The following SESTD1 variants were observed in gnomAD, a reference collection of about 807,000 sequenced individuals.
SESTD1 encodes the protein SEC14 and spectrin domain containing 1.
In SESTD1, 43 loss-of-function variants were observed where a neutral mutation model predicts 101.7. That is an observed-to-expected ratio of 0.42 (90% CI 0.33 to 0.55). SESTD1 has a LOEUF of 0.55. Among genes scored for constraint, SESTD1 ranks in the 20% least tolerant of loss-of-function variants. The pLI is 0.07. For missense variants in SESTD1, 647 were observed against 815.1 expected, an observed-to-expected ratio of 0.79 and a Z score of 2.51; for synonymous variants, 283 against 286.8, an observed-to-expected ratio of 0.99 and a Z score of 0.13.
intron 12 of SESTD1, among the ~76,000 whole-genome samples, chr2:179,122,585 C>T (rs942347366): frequency 2.6e-5 from 4 of 151,966 alleles, no homozygotes; most frequent in African/African-American, 9.7e-5. Flanking sequence ...TTATGCATAC[C>T]ATCTGTTAAA....
At chr2:179,215,902 T>C (rs933621104) in intron 1 of SESTD1, among the ~76,000 whole-genome samples, 2 of 134,956 alleles carry the variant, frequency 1.5e-5, no homozygotes, top group African/African-American at 5.9e-5. Flanking sequence ...CATGATTATA[T>C]CAACAGATGC....
Position 179,169,323 on chromosome 2 carries a change from A to C in SESTD1, c.369+2797T>G, listed in dbSNP as rs533637842. Among the ~76,000 whole-genome samples, 5 of 152,314 alleles carry C rather than the reference A, an allele frequency of 3.3e-5. No individual in the cohort carries two copies. In the South Asian group the frequency reaches 1.0e-3, roughly 32 times the overall value. ...ATTAATATCAGACAATGTACATTTC[A>C]GAGCCAGATATAGTATCAGGAATAA... On this transcript the variant is annotated intron_variant, in intron 5 of 17. Coordinates refer to ENST00000428443, the MANE Select transcript of SESTD1 (RefSeq NM_178123.5).
chr2:179,194,713 T>C (rs1053803728), intron 1 of SESTD1, among the ~76,000 whole-genome samples: 2 of 152,072 alleles, frequency 1.3e-5, no homozygotes, highest in African/African-American at 4.8e-5. Flanking sequence ...ATTCAGAGCA[T>C]GAAAAAGGCC....
At chr2:179,111,735 T>TG (rs1470907118) in intron 17 of SESTD1, among the ~76,000 whole-genome samples, 1 of 151,552 alleles carries the variant, frequency 6.6e-6, no homozygotes, top group Non-Finnish European at 1.5e-5. Flanking sequence ...TTTTTTTTTT[T>TG]TTGAGACGGA....
rs1031113008 is a variant in SESTD1, at chr2:179,104,975, T to C, written c.*4924A>G. On this transcript the variant is annotated 3_prime_UTR_variant, in exon 18 of 18. Coordinates refer to ENST00000428443, the MANE Select transcript of SESTD1 (RefSeq NM_178123.5). Reference sequence around the variant, plus strand: ...AATTCTGCAGTAATGTTGAGTCATATTAAGTGTCATACCCATGAACTTTTT... The same window carrying C: ...AATTCTGCAGTAATGTTGAGTCATACTAAGTGTCATACCCATGAACTTTTT... The C allele has an allele frequency of 3.3e-5, 5 of 152,132 alleles. No individual in the cohort carries two copies. Among genetic ancestry groups the C allele is most frequent in the Non-Finnish European group, 5.9e-5 (4 of 68,016 alleles). The allele number at this position is 152,132 out of a possible 1,614,324, so 9.4% of individuals were successfully genotyped here.
rs1486323428 is a variant in SESTD1 at position 179,109,299 on chromosome 2, TAAATA to T, written c.*595_*599del. On this transcript the variant is annotated 3_prime_UTR_variant, in exon 18 of 18. Coordinates refer to ENST00000428443, the MANE Select transcript of SESTD1 (RefSeq NM_178123.5). ...TGGAAATAGGATGTAACTACTAAAT[TAAATA>T]AGATGTTTAAAGAAGTCTTTTATTA... The T allele has an allele frequency of 6.4e-6, 1 of 156,386 alleles. No individual in the cohort carries two copies. The highest frequency in any genetic ancestry group is 1.8e-4 in the East Asian group (1 of 5,406). The allele number at this position is 156,386 out of a possible 1,614,324, so 9.7% of individuals were successfully genotyped here.
chr2:179,204,703 T>C lies in SESTD1; in HGVS notation c.-25-12837A>G, dbSNP rs917764705. On this transcript the variant is annotated intron_variant, in intron 1 of 17. Coordinates refer to ENST00000428443, the MANE Select transcript of SESTD1 (RefSeq NM_178123.5). The stretch of plus-strand genomic sequence containing the variant: ...ACAGACATGCCACTGCCTTGATTCA[T>C]GCTAAGGCACCAGCACTTTTTCCCA... Among the ~76,000 whole-genome samples the C allele has an allele frequency of 5.2e-5, 7 of 135,682 alleles. 2 individuals carry two copies. The highest frequency in any genetic ancestry group is 2.1e-4 in the Admixed American group (3 of 13,966). 89.0% of individuals were successfully genotyped at this position (135,682 alleles called of 152,430 possible).
At chr2:179,168,273 CTTA>C (rs1428563798) in intron 5 of SESTD1, among the ~76,000 whole-genome samples, 1 of 151,958 alleles carries the variant, frequency 6.6e-6, no homozygotes, top group Non-Finnish European at 1.5e-5. Flanking sequence ...TTTTCTCTTC[CTTA>C]TTATTTTCTT....
intron 3 of SESTD1, among the ~76,000 whole-genome samples, chr2:179,178,591 A>T (rs2105481288): frequency 6.6e-6 from 1 of 152,298 alleles, no homozygotes; most frequent in East Asian, 1.9e-4. Context: ...GACCACCATG[A>T]CATAGGAGAG....
intron 1 of SESTD1, among the ~76,000 whole-genome samples, chr2:179,217,609 C>T (rs537884167): frequency 3.3e-5 from 5 of 152,242 alleles, no homozygotes; most frequent in Non-Finnish European, 7.4e-5. Context: ...CCATCTGACC[C>T]GTGATCCTAT....
intron 1 of SESTD1, among the ~76,000 whole-genome samples, chr2:179,251,504 A>G (rs952606351): frequency 2.0e-5 from 3 of 152,210 alleles, no homozygotes; most frequent in Non-Finnish European, 4.4e-5. Context: ...CCTTGCTCCA[A>G]CACCAGTGCT....
At chr2:179,242,595 T>C (rs554721004) in intron 1 of SESTD1, among the ~76,000 whole-genome samples, 2 of 152,268 alleles carry the variant, frequency 1.3e-5, no homozygotes, top group East Asian at 1.9e-4. Context: ...CAACACAGCA[T>C]GGTACTGGTA....
chr2:179,196,648 C>T (rs530780789), intron 1 of SESTD1, among the ~76,000 whole-genome samples: 19 of 152,298 alleles, frequency 1.2e-4, no homozygotes, highest in African/African-American at 4.6e-4. Context: ...GGGTCCCTGA[C>T]CCCTGACCCC....
At chr2:179,254,847 C>G (rs1328888269) in intron 1 of SESTD1, among the ~76,000 whole-genome samples, 2 of 152,148 alleles carry the variant, frequency 1.3e-5, no homozygotes, top group Non-Finnish European at 2.9e-5. Context: ...TGGTGATAAT[C>G]CTAAGTGGAG....
chr2:179,148,473 T>G (rs1267957135), intron 7 of SESTD1, among the ~76,000 whole-genome samples: 1 of 152,194 alleles, frequency 6.6e-6, no homozygotes, highest in East Asian at 1.9e-4. Flanking sequence ...GTAGTTACAT[T>G]CAGATAATAC....
intron 17 of SESTD1, among the ~76,000 whole-genome samples, chr2:179,110,266 A>C (rs1039654931): frequency 6.6e-6 from 1 of 152,178 alleles, no homozygotes; most frequent in Non-Finnish European, 1.5e-5. Context: ...TATAAAGGTT[A>C]TATCATGTGT....
chr2:179,207,062 G>T (rs1410823704), intron 1 of SESTD1, among the ~76,000 whole-genome samples: 2 of 132,970 alleles, frequency 1.5e-5, no homozygotes, highest in East Asian at 4.0e-4. Flanking sequence ...CCCAAAGAGA[G>T]TCGGAGCTCA....
rs144470230 is a variant in SESTD1, at chr2:179,163,643, C to T, written c.369+8477G>A. Among the ~76,000 whole-genome samples, 307 of 151,342 alleles carry T rather than the reference C, an allele frequency of 2.0e-3. 1 individual carries two copies. Among genetic ancestry groups the T allele is most frequent in the African/African-American group, 6.9e-3 (286 of 41,378 alleles). On this transcript the variant is annotated intron_variant, in intron 5 of 17. Coordinates refer to ENST00000428443, the MANE Select transcript of SESTD1 (RefSeq NM_178123.5). ...AACTTTTGCTAAGTCCTTTCAAAGG[C>T]AATACAAAACATAAAGTTTTAAAAA... is the stretch of plus-strand genomic sequence containing the variant.
intron 17 of SESTD1, among the ~76,000 whole-genome samples, chr2:179,111,462 G>A (rs539783744): frequency 6.6e-6 from 1 of 152,270 alleles, no homozygotes; most frequent in South Asian, 2.1e-4. Context: ...TTACATGGCA[G>A]TTTTTAGATG....
Sources: gnomAD v4.1 joint callset for allele counts (sites outside exome capture counted in the v4.1 genomes callset) on GRCh38, gnomAD v4.1.1 for gene constraint, MANE v1.5 for transcripts, NCBI Gene and HGNC (gene_info 2026-07-23, HGNC 2026-07-21) for gene names.